The following MUCL1 variants were observed in gnomAD, a reference collection of about 807,000 sequenced individuals.
MUCL1 encodes the protein mucin like 1.
MUCL1 carries 11 observed loss-of-function variants against 9.2 expected under a neutral mutation model. The observed-to-expected ratio is 1.19, with a 90% CI of 0.75 to 1.97. The LOEUF (loss-of-function observed/expected upper bound fraction) is 1.97, where lower values mean the gene tolerates loss of function less well. MUCL1 is among the 30% of genes most tolerant of loss of function. The pLI, the probability that MUCL1 is intolerant of heterozygous loss-of-function variation, is 0.00. For missense variants in MUCL1, 144 were observed against 110.9 expected (o/e 1.30, Z -1.34); for synonymous variants, 48 against 40.5 (o/e 1.19, Z -0.71).
rs899618960 is a variant in MUCL1, at chr12:54,839,513, T to C, written c.43+66T>C. 5.7e-6 allele frequency: 4 copies of C among 700,126 alleles called. No homozygotes were observed. The East Asian group carries it at 1.1e-4, about 19-fold the overall frequency. 43.4% of individuals were successfully genotyped at this position (700,126 alleles called of 1,614,324 possible). On this transcript the variant is annotated intron_variant, in intron 1 of 3. Transcript: ENST00000546809. ...CCTTGACAGAGGCAGCTGGGGGAGG[T>C]CTCAGTGAAATGCACTGAGGTCTTT... is the stretch of plus-strand genomic sequence containing the variant.
At chr12:54,839,077 A>G (rs967184274), upstream of MUCL1, among the ~76,000 whole-genome samples, 1 of 151,996 alleles carries the variant, frequency 6.6e-6, no homozygotes, top group Non-Finnish European at 1.5e-5. Context: ...TTTTAAATTT[A>G]TTTTTAATTT....
intron 2 of MUCL1, 39 bp from the exon 3 acceptor site, chr12:54,856,731 G>A (rs1047949595): frequency 5.7e-6 from 9 of 1,570,910 alleles, no homozygotes; most frequent in East Asian, 4.7e-5. Flanking sequence ...TGTTCCAGAA[G>A]GAGTCAGTCT....
At chr12:54,851,764 C>G (rs892754719), upstream of MUCL1, among the ~76,000 whole-genome samples, 1 of 152,124 alleles carries the variant, frequency 6.6e-6, no homozygotes, top group African/African-American at 2.4e-5. Flanking sequence ...AAAACCCCAT[C>G]GTCTCAGCCC....
upstream of MUCL1, among the ~76,000 whole-genome samples, chr12:54,850,139 T>G (rs1483786129): frequency 6.6e-6 from 1 of 152,188 alleles, no homozygotes; most frequent in Non-Finnish European, 1.5e-5. Flanking sequence ...TAGGGTTTCA[T>G]AGAACTTCCT....
At chr12:54,857,231 A>AGTGTGTGTGTGTGTGT (rs34504933) in intron 3 of MUCL1, among the ~76,000 whole-genome samples, 119 of 142,548 alleles carry the variant, frequency 8.3e-4, no homozygotes, top group East Asian at 4.0e-3. Flanking sequence ...TAAATCAGGT[A>AGTGTGTGTGTGTGTGT]GTGTGTGTGT....
At chr12:54,838,789 G>T (rs754395180), upstream of MUCL1, among the ~76,000 whole-genome samples, 92 of 152,032 alleles carry the variant, frequency 6.1e-4, no homozygotes, top group Non-Finnish European at 1.0e-3. Flanking sequence ...TTTTCTTTAA[G>T]ATATCTATCT....
In MUCL1 at chr12:54,855,216, T is replaced by C; in HGVS notation, c.100+59T>C. 3 of 1,509,790 alleles carry C rather than the reference T, an allele frequency of 2.0e-6. No individual in the cohort carries two copies. The South Asian group carries it at 3.4e-5, about 17-fold the overall frequency. 93.5% of individuals were successfully genotyped at this position (1,509,790 alleles called of 1,614,324 possible). On this transcript the variant is annotated intron_variant, in intron 2 of 3. Coordinates refer to ENST00000308796, the MANE Select transcript of MUCL1 (RefSeq NM_058173.3). ...CAATAACCATTTTTCACTTCCAGCCTCATGTCAAACAGCCAGTTTCCATGT... is the reference window on the plus strand; with the variant it reads ...CAATAACCATTTTTCACTTCCAGCCCCATGTCAAACAGCCAGTTTCCATGT...
upstream of MUCL1, among the ~76,000 whole-genome samples, chr12:54,852,036 G>C (rs1434856809): frequency 7.2e-5 from 11 of 152,150 alleles, 1 homozygote; most frequent in South Asian, 6.2e-4. Context: ...AACATTCCAT[G>C]CTCATGGGTT....
chr12:54,843,851 A>T (rs1315708459), intron 1 of MUCL1, among the ~76,000 whole-genome samples: 1 of 152,216 alleles, frequency 6.6e-6, no homozygotes, highest in Non-Finnish European at 1.5e-5. Context: ...AAGATAATAC[A>T]TTTATGTTTT....
At chr12:54,852,128 A>C (rs1868254573), upstream of MUCL1, among the ~76,000 whole-genome samples, 1 of 152,162 alleles carries the variant, frequency 6.6e-6, no homozygotes, top group Non-Finnish European at 1.5e-5. Flanking sequence ...GCTACCAATG[A>C]CTTTCTTCAC....
chr12:54,835,310 T>G (rs930991338), upstream of MUCL1, among the ~76,000 whole-genome samples: 3 of 152,168 alleles, frequency 2.0e-5, no homozygotes, highest in African/African-American at 7.2e-5. Context: ...GATCTACTTT[T>G]TGTTCTTTGA....
intron 1 of MUCL1, among the ~76,000 whole-genome samples, chr12:54,831,906 A>G (rs1055923386): frequency 6.6e-6 from 1 of 152,110 alleles, no homozygotes; most frequent in African/African-American, 2.4e-5. Context: ...TTTTCTCTAT[A>G]AAAGAAACCT....
intron 1 of MUCL1, among the ~76,000 whole-genome samples, chr12:54,849,411 C>G (rs1401625151): frequency 6.6e-6 from 1 of 152,116 alleles, no homozygotes; most frequent in East Asian, 1.9e-4. Flanking sequence ...TTTGGCCCAT[C>G]TAGAGACTTT....
chr12:54,831,620 A>T (rs549928879), intron 1 of MUCL1, among the ~76,000 whole-genome samples: 1 of 152,118 alleles, frequency 6.6e-6, no homozygotes, highest in African/African-American at 2.4e-5. Flanking sequence ...TAAATGATGC[A>T]TATTCATTGA....
upstream of MUCL1, among the ~76,000 whole-genome samples, chr12:54,834,718 T>G (rs1959190092): frequency 6.6e-6 from 1 of 151,976 alleles, no homozygotes; most frequent in Non-Finnish European, 1.5e-5. Flanking sequence ...CCTACATGAT[T>G]GAAATTTTAT....
chr12:54,854,446 G>C, upstream of MUCL1: 1 of 641,420 alleles, frequency 1.6e-6, no homozygotes, highest in East Asian at 2.8e-5. Context: ...TACCTAACCT[G>C]GATTCTGGTT....
intron 1 of MUCL1, among the ~76,000 whole-genome samples, chr12:54,832,038 G>GT (rs1176381954): frequency 1.3e-5 from 2 of 152,052 alleles, no homozygotes; most frequent in Non-Finnish European, 2.9e-5. Flanking sequence ...TGAAGGATGT[G>GT]TTTTTGTTAA....
chr12:54,854,482 C>A, upstream of MUCL1: 1 of 891,970 alleles, frequency 1.1e-6, no homozygotes, highest in Non-Finnish European at 1.8e-6. Context: ...GTGCCCTCTG[C>A]ATATATATTG....
At chr12:54,852,419 T>G (rs1002719074), upstream of MUCL1, among the ~76,000 whole-genome samples, 1 of 152,200 alleles carries the variant, frequency 6.6e-6, no homozygotes, top group Non-Finnish European at 1.5e-5. Context: ...GGATTCCCTA[T>G]TTAATAAATG....
Sources: allele counts gnomAD v4.1 joint callset (sites outside exome capture counted in the v4.1 genomes callset), GRCh38; gene constraint gnomAD v4.1.1; transcripts MANE v1.5; gene names NCBI Gene and HGNC (gene_info 2026-07-23, HGNC 2026-07-21).